Variants in ASPHD2 observed in about 807,000 individuals in gnomAD.
The protein encoded by ASPHD2 is aspartate beta-hydroxylase domain-containing protein 2.
A neutral mutation model predicts 34.6 loss-of-function variants in ASPHD2; 12 were observed. That is an observed-to-expected ratio of 0.35 (90% CI 0.22 to 0.56). ASPHD2 has a LOEUF of 0.56. ASPHD2 is among the 20% of genes least tolerant of loss of function. The pLI is 0.87. For missense variants in ASPHD2, 375 were observed against 505.0 expected, an observed-to-expected ratio of 0.74 and a Z score of 2.47; for synonymous variants, 224 against 212.2, an observed-to-expected ratio of 1.06 and a Z score of -0.48.
chr22:26,439,502 T>C (rs2084822910), intron 2 of ASPHD2, among the ~76,000 whole-genome samples: 1 of 152,242 alleles, frequency 6.6e-6, no homozygotes, highest in South Asian at 2.1e-4. Flanking sequence ...TGTCCAGTTT[T>C]ATAACAGCCT....
intron 2 of ASPHD2, among the ~76,000 whole-genome samples, chr22:26,436,805 G>C (rs1183067835): frequency 6.6e-6 from 1 of 151,932 alleles, no homozygotes; most frequent in East Asian, 1.9e-4. Context: ...GCTTTCTGTA[G>C]ATTAACACTT....
chr22:26,436,912 T>C (rs1018873538), intron 2 of ASPHD2, among the ~76,000 whole-genome samples: 9 of 152,064 alleles, frequency 5.9e-5, no homozygotes, highest in Admixed American at 2.6e-4. Context: ...TGGCCTGTCA[T>C]TCCTTTCTCA....
At chr22:26,431,689 G>A (rs1481745627) in intron 1 of ASPHD2, among the ~76,000 whole-genome samples, 4 of 152,166 alleles carry the variant, frequency 2.6e-5, no homozygotes, top group Non-Finnish European at 4.4e-5. Flanking sequence ...GAGTGTCCAG[G>A]ATTTACCTTT....
chr22:26,434,875 G>A (rs2084781074), intron 2 of ASPHD2, among the ~76,000 whole-genome samples: 1 of 152,162 alleles, frequency 6.6e-6, no homozygotes, highest in Admixed American at 6.5e-5. Context: ...TGACACATAC[G>A]GCTAGTGGCT....
In ASPHD2 at chr22:26,433,561, T is replaced by C; in HGVS notation, c.-55T>C. 2 of 1,311,440 alleles carry C rather than the reference T, an allele frequency of 1.5e-6. No individual in the cohort carries two copies. The highest frequency in any genetic ancestry group is 2.5e-5 in the South Asian group (2 of 79,340). 81.2% of individuals were successfully genotyped at this position (1,311,440 alleles called of 1,614,324 possible). ...GCCCCTGGCAGTATCTGAGGATCGG[T>C]GGCAGCCATGCCTCCCCCTGCCCCA... On this transcript the variant is annotated 5_prime_UTR_variant, in exon 2 of 4. Coordinates refer to ENST00000215906, the MANE Select transcript of ASPHD2 (RefSeq NM_020437.5). The surrounding 1 kb of genome is among the most constrained non-coding windows in gnomAD (Gnocchi z 5.1).
Position 26,429,269 on chromosome 22 carries a change from C to G in ASPHD2, c.-442C>G, listed in dbSNP as rs2084740812. On this transcript the variant is annotated 5_prime_UTR_variant, in exon 1 of 4. Transcript: ENST00000215906. This position sits in a 1 kb window ranked among gnomAD's most constrained non-coding sequence, Gnocchi z 4.5. ...CGCGCGGCATTGTGGGAGTTGTGGT[C>G]TTCGCGGCCCCGCGGAGCGCAGCGC... 1 of 144,530 alleles carries G rather than the reference C, an allele frequency of 6.9e-6. No homozygotes were observed. The highest frequency in any genetic ancestry group is 2.5e-5 in the African/African-American group (1 of 40,182). 9.0% of individuals were successfully genotyped at this position (144,530 alleles called of 1,614,324 possible). A position where few individuals can be genotyped will look rare whatever the true frequency, so the allele number is the denominator to read the frequency against.
chr22:26,442,598 T>C, intron 3 of ASPHD2, 26 bp downstream of exon 3: 2 of 1,487,062 alleles, frequency 1.3e-6, no homozygotes, highest in Non-Finnish European at 9.2e-7. Context: ...TCCCACTTCC[T>C]TTTTTTCAAT....
chr22:26,431,947 A>G (rs1004862542), intron 1 of ASPHD2, among the ~76,000 whole-genome samples: 2 of 152,188 alleles, frequency 1.3e-5, no homozygotes, highest in African/African-American at 4.8e-5. Context: ...TGTAATCCCA[A>G]CACTTTGGGA....
chr22:26,438,456 T>C (rs1489704324), intron 2 of ASPHD2, among the ~76,000 whole-genome samples: 1 of 105,198 alleles, frequency 9.5e-6, no homozygotes, highest in Non-Finnish European at 2.1e-5. Context: ...TATATACATA[T>C]ATATACACAC....
intron 1 of ASPHD2, among the ~76,000 whole-genome samples, chr22:26,431,413 G>A (rs1407635308): frequency 1.2e-3 from 40 of 32,770 alleles, no homozygotes; most frequent in Middle Eastern, 0.014. Context: ...GAATGTGTGG[G>A]AAAGAAAAAA....
rs2084746626 is a variant in ASPHD2 at position 26,429,940 on chromosome 22, C to T, written c.-225+454C>T. 1.3e-5 allele frequency among the ~76,000 whole-genome samples: 2 copies of T among 152,196 alleles called. No homozygotes were observed. The highest frequency in any genetic ancestry group is 2.1e-4 in the South Asian group (1 of 4,826). On this transcript the variant is annotated intron_variant, in intron 1 of 3. Coordinates refer to ENST00000215906, the MANE Select transcript of ASPHD2 (RefSeq NM_020437.5). The surrounding 1 kb of genome is among the most constrained non-coding windows in gnomAD (Gnocchi z 4.5). ...TCCACAATCTTGAGCTGATCGTCCA[C>T]TTTTCCGGGCAACACTCACCTTTCC...
At chr22:26,432,411 A>C (rs1464415843) in intron 1 of ASPHD2, among the ~76,000 whole-genome samples, 6 of 152,234 alleles carry the variant, frequency 3.9e-5, no homozygotes, top group Non-Finnish European at 7.3e-5. Flanking sequence ...GTGCTCCCTG[A>C]GTATCAGACT....
rs929276819 is a variant in ASPHD2 at position 26,433,348 on chromosome 22, T to G, written c.-224-44T>G. Reference sequence around the variant, plus strand: ...ACACTTTACATTTCAGTTGAGGACTTTTCCAGGTGTAAAATTTATGCTGAT... The same window carrying G: ...ACACTTTACATTTCAGTTGAGGACTGTTCCAGGTGTAAAATTTATGCTGAT... On this transcript the variant is annotated intron_variant, in intron 1 of 3. Coordinates refer to ENST00000215906, the MANE Select transcript of ASPHD2 (RefSeq NM_020437.5). The surrounding 1 kb of genome is among the most constrained non-coding windows in gnomAD (Gnocchi z 5.1). The G allele has an allele frequency of 5.8e-6, 3 of 514,634 alleles. No individual in the cohort carries two copies. Among genetic ancestry groups the G allele is most frequent in the Non-Finnish European group, 1.0e-5 (3 of 291,766 alleles). The allele number at this position is 514,634 out of a possible 1,614,324, so 31.9% of individuals were successfully genotyped here.
intron 1 of ASPHD2, among the ~76,000 whole-genome samples, chr22:26,430,240 C>T (rs2084748505): frequency 6.6e-6 from 1 of 152,188 alleles, no homozygotes; most frequent in Non-Finnish European, 1.5e-5. Context: ...GGTGAGCAGA[C>T]ACTCTTTGGC....
chr22:26,443,219 T>A lies in ASPHD2; in HGVS notation c.*13T>A. The stretch of plus-strand genomic sequence containing the variant: ...TCCGGGACGATGAGAGTATTTCCCA[T>A]GCTGGAGTCGGCGAGAAGGGCCGAG... On this transcript the variant is annotated 3_prime_UTR_variant, in exon 4 of 4. Transcript: ENST00000215906. The A allele has an allele frequency of 6.2e-7, 1 of 1,612,194 alleles. No individual in the cohort carries two copies. The highest frequency in any genetic ancestry group is 8.5e-7 in the Non-Finnish European group (1 of 1,178,242).
chr22:26,436,593 A>G (rs999101123), intron 2 of ASPHD2, among the ~76,000 whole-genome samples: 2 of 152,166 alleles, frequency 1.3e-5, no homozygotes, highest in African/African-American at 2.4e-5. Flanking sequence ...GTGGGAGCAA[A>G]CCTCAGAGGC....
intron 1 of ASPHD2, among the ~76,000 whole-genome samples, chr22:26,431,429 A>C (rs1048860376): frequency 7.2e-5 from 11 of 151,928 alleles, no homozygotes; most frequent in Admixed American, 2.0e-4. Flanking sequence ...AAAAAAAAAA[A>C]AAACAAAAGA....
intron 2 of ASPHD2, among the ~76,000 whole-genome samples, chr22:26,441,952 T>G (rs1034005685): frequency 1.4e-5 from 2 of 145,812 alleles, no homozygotes; most frequent in African/African-American, 5.1e-5. Flanking sequence ...ATTAGCCGGG[T>G]GAGGTGGTGG....
chr22:26,433,266 A>G lies in ASPHD2; in HGVS notation c.-224-126A>G, dbSNP rs942125061. ...GGGAGTGGCAGTAGAATGGGGAGGG[A>G]ATACACAAGATTGCAAAGTGTGACC... On this transcript the variant is annotated intron_variant, in intron 1 of 3. Coordinates refer to ENST00000215906, the MANE Select transcript of ASPHD2 (RefSeq NM_020437.5). This position sits in a 1 kb window ranked among gnomAD's most constrained non-coding sequence, Gnocchi z 5.1. 19 of 307,280 alleles carry G rather than the reference A, an allele frequency of 6.2e-5. No individual in the cohort carries two copies. The highest frequency in any genetic ancestry group is 4.0e-4 in the African/African-American group (18 of 44,932). 19.0% of individuals were successfully genotyped at this position (307,280 alleles called of 1,614,324 possible).
Sources: allele counts gnomAD v4.1 joint callset (sites outside exome capture counted in the v4.1 genomes callset), GRCh38; gene constraint gnomAD v4.1.1; non-coding constraint Gnocchi (gnomAD v3.1); transcripts MANE v1.5; gene names NCBI Gene and HGNC (gene_info 2026-07-23, HGNC 2026-07-21).